ALK: variants seen among roughly 807,000 people sequenced by gnomAD.
ALK encodes ALK receptor tyrosine kinase.
In ALK, 74 loss-of-function variants were observed where a neutral mutation model predicts 163.1. The ratio of observed to expected loss-of-function variants is 0.45; its 90% CI spans 0.38 to 0.55. ALK has a LOEUF of 0.55. Ranked by LOEUF, ALK falls within the 20% of genes least tolerant of loss-of-function variation. The pLI is 0.00. For synonymous variants in ALK, 960 were observed against 843.2 expected, an observed-to-expected ratio of 1.14 and a Z score of -2.40; for missense variants, 2,063 against 2,105.3, an observed-to-expected ratio of 0.98 and a Z score of 0.39.
At chr2:29,835,321 T>C (rs1344761591) in intron 1 of ALK, among the ~76,000 whole-genome samples, 1 of 152,168 alleles carries the variant, frequency 6.6e-6, no homozygotes, top group Non-Finnish European at 1.5e-5. Context: ...GGGGGAAAGG[T>C]ATTTCCATCT....
intron 11 of ALK, among the ~76,000 whole-genome samples, chr2:29,264,344 C>G (rs146321053): frequency 9.2e-5 from 14 of 152,356 alleles, no homozygotes; most frequent in Admixed American, 5.9e-4. Context: ...TCTGCTCCCA[C>G]GTCCTTGAAG....
At chr2:29,358,692 A>C (rs1299304851) in intron 5 of ALK, among the ~76,000 whole-genome samples, 2 of 152,170 alleles carry the variant, frequency 1.3e-5, no homozygotes, top group African/African-American at 4.8e-5. Flanking sequence ...ACAGCATCTC[A>C]TCTGCACCTC....
intron 1 of ALK, among the ~76,000 whole-genome samples, chr2:29,794,011 T>C (rs1039590045): frequency 2.0e-5 from 3 of 152,198 alleles, no homozygotes; most frequent in Non-Finnish European, 4.4e-5. Context: ...TTCTCTTTTG[T>C]AGCTATGAAA....
intron 2 of ALK, among the ~76,000 whole-genome samples, chr2:29,708,297 G>A (rs976040062): frequency 6.6e-6 from 1 of 152,140 alleles, no homozygotes; most frequent in Non-Finnish European, 1.5e-5. Flanking sequence ...TGGAACTCCT[G>A]ATCTCAGGTA....
chr2:29,703,962 C>A (rs544425735), intron 2 of ALK, among the ~76,000 whole-genome samples: 1 of 152,150 alleles, frequency 6.6e-6, no homozygotes, highest in Non-Finnish European at 1.5e-5. Context: ...GAACACCAGA[C>A]GGGAGCTGGT....
Position 29,226,128 on chromosome 2 carries a change from G to A in ALK, c.3068-563C>T, listed in dbSNP as rs559443817. On this transcript the variant is annotated intron_variant, in intron 18 of 28. Transcript: ENST00000389048. Reference sequence around the variant, plus strand: ...GGGGCGGGGGAAGAGACACAAAACTGCATCTTGTATGAACTGCTGCAAACA... The same window carrying A: ...GGGGCGGGGGAAGAGACACAAAACTACATCTTGTATGAACTGCTGCAAACA... Among the ~76,000 whole-genome samples, 8 of 152,210 alleles carry A rather than the reference G, an allele frequency of 5.3e-5. No individual in the cohort carries two copies. In the South Asian group the frequency reaches 6.2e-4, roughly 12 times the overall value.
intron 1 of ALK, among the ~76,000 whole-genome samples, chr2:29,817,878 A>T (rs748554415): frequency 6.6e-6 from 1 of 152,220 alleles, no homozygotes; most frequent in Non-Finnish European, 1.5e-5. Flanking sequence ...GATGCCTTCT[A>T]TAGAAATTGT....
intron 1 of ALK, among the ~76,000 whole-genome samples, chr2:29,822,165 CA>C (rs547308804): frequency 4.9e-4 from 75 of 152,296 alleles, no homozygotes; most frequent in African/African-American, 1.8e-3. Context: ...CCTGATTCAG[CA>C]GAGGGAGGAG....
At chr2:29,870,383 A>C (rs1666546913) in intron 1 of ALK, among the ~76,000 whole-genome samples, 1 of 152,050 alleles carries the variant, frequency 6.6e-6, no homozygotes, top group Non-Finnish European at 1.5e-5. Flanking sequence ...GGAGAGTGTT[A>C]CATACTTTTA....
At chr2:29,670,134 T>C (rs561419197) in intron 3 of ALK, among the ~76,000 whole-genome samples, 1 of 152,254 alleles carries the variant, frequency 6.6e-6, no homozygotes, top group East Asian at 1.9e-4. Context: ...TGTTTTTCTT[T>C]TGCATGTTAG....
intron 3 of ALK, among the ~76,000 whole-genome samples, chr2:29,608,338 A>G (rs113936728): frequency 0.044 from 6,753 of 152,298 alleles, 472 homozygotes; most frequent in African/African-American, 0.15. Context: ...CTGCAATTCC[A>G]GGGCCTACAG....
intron 8 of ALK, among the ~76,000 whole-genome samples, chr2:29,316,560 T>C (rs1000350505): frequency 1.2e-4 from 18 of 152,234 alleles, no homozygotes; most frequent in Non-Finnish European, 2.4e-4. Context: ...ATTTGGCTCA[T>C]ATTAAACCCA....
intron 3 of ALK, among the ~76,000 whole-genome samples, chr2:29,619,927 G>A (rs189585487): frequency 1.0e-3 from 155 of 152,300 alleles, no homozygotes; most frequent in Non-Finnish European, 2.0e-3. Flanking sequence ...ACAGTGAGGG[G>A]CATCGAGCTA....
At chr2:29,394,525 G>C (rs1669256968) in intron 4 of ALK, among the ~76,000 whole-genome samples, 1 of 152,178 alleles carries the variant, frequency 6.6e-6, no homozygotes, top group Non-Finnish European at 1.5e-5. Context: ...TTCTGGGCAG[G>C]GGAAGTGAGA....
intron 25 of ALK, chr2:29,208,021 G>T (rs1244612680): frequency 4.4e-6 from 2 of 450,722 alleles, no homozygotes; most frequent in Non-Finnish European, 9.0e-6. Flanking sequence ...AATAAGTACT[G>T]AATATTTAGT....
chr2:29,430,090 A>G (rs1670237883), intron 4 of ALK, among the ~76,000 whole-genome samples: 1 of 152,214 alleles, frequency 6.6e-6, no homozygotes, highest in Admixed American at 6.5e-5. Context: ...TAAAACTATA[A>G]AACTCTTAGA....
chr2:29,566,953 T>G (rs539337597), intron 3 of ALK, among the ~76,000 whole-genome samples: 1 of 152,336 alleles, frequency 6.6e-6, no homozygotes, highest in African/African-American at 2.4e-5. Context: ...ATCAAAACAT[T>G]AAATGTAGAA....
chr2:29,359,023 A>G (rs1668323607), intron 5 of ALK, among the ~76,000 whole-genome samples: 2 of 152,152 alleles, frequency 1.3e-5, no homozygotes. Context: ...CATTATGCCT[A>G]TAGTTAAAAA....
At chr2:29,338,717 TCTC>T (rs1466556585) in intron 5 of ALK, among the ~76,000 whole-genome samples, 1 of 152,202 alleles carries the variant, frequency 6.6e-6, no homozygotes, top group Non-Finnish European at 1.5e-5. Context: ...ACTTATTCAG[TCTC>T]CTCAAGAGTG....
Sources: allele counts gnomAD v4.1 joint callset (sites outside exome capture counted in the v4.1 genomes callset), GRCh38; gene constraint gnomAD v4.1.1; transcripts MANE v1.5; gene names NCBI Gene and HGNC (gene_info 2026-07-23, HGNC 2026-07-21).